DSG2: variants seen among roughly 807,000 people sequenced by gnomAD.
The protein encoded by DSG2 is desmoglein 2, also known as desmoglein-2.
A neutral mutation model predicts 75.6 loss-of-function variants in DSG2; 45 were observed. The observed-to-expected ratio is 0.60, with a 90% CI of 0.47 to 0.76. DSG2 has a LOEUF of 0.76. Ranked by LOEUF, DSG2 falls within the 30% of genes least tolerant of loss-of-function variation. DSG2 has a pLI of 0.00. For synonymous variants in DSG2, 429 were observed against 483.9 expected, an observed-to-expected ratio of 0.89 and a Z score of 1.49; for missense variants, 1,267 against 1,357.4, an observed-to-expected ratio of 0.93 and a Z score of 1.05.
chr18:31,540,752 CT>C (rs2073261748), intron 12 of DSG2, among the ~76,000 whole-genome samples: 1 of 152,128 alleles, frequency 6.6e-6, no homozygotes, highest in Non-Finnish European at 1.5e-5. Flanking sequence ...AAAATAAAAT[CT>C]AAGAAGAGGG....
intron 1 of DSG2, 60 bp from the exon 2 acceptor site, chr18:31,518,179 A>G (rs1160052756): frequency 3.0e-6 from 4 of 1,327,090 alleles, no homozygotes; most frequent in African/African-American, 1.4e-5. Flanking sequence ...TTCATGAACA[A>G]TGTTTTCACA....
chr18:31,517,716 GAAGAACCA>G (rs1393991913), intron 1 of DSG2, among the ~76,000 whole-genome samples: 1 of 152,122 alleles, frequency 6.6e-6, no homozygotes, highest in Non-Finnish European at 1.5e-5. Flanking sequence ...CAGTGCCTAT[GAAGAACCA>G]AAGAAAAGAG....
intron 1 of DSG2, among the ~76,000 whole-genome samples, chr18:31,508,429 C>T (rs568112744): frequency 5.2e-4 from 78 of 151,440 alleles, no homozygotes; most frequent in African/African-American, 1.8e-3. Context: ...AGTCTCATTC[C>T]GTCACCCAGG....
At chr18:31,531,346 C>G in intron 9 of DSG2, 94 bp downstream of exon 9, 1 of 1,431,752 alleles carries the variant, frequency 7.0e-7, no homozygotes, top group African/African-American at 1.4e-5. Context: ...TTCATTCCTT[C>G]AAATCCAGCA....
chr18:31,503,249 A>G (rs1318713024), intron 1 of DSG2, among the ~76,000 whole-genome samples: 1 of 152,236 alleles, frequency 6.6e-6, no homozygotes. Flanking sequence ...CCAAATGGGT[A>G]ACGATAAGAA....
At chr18:31,538,676 C>T (rs892156238) in intron 11 of DSG2, 75 bp from the exon 12 acceptor site, 21 of 1,178,184 alleles carry the variant, frequency 1.8e-5, no homozygotes, top group Non-Finnish European at 2.5e-5. Flanking sequence ...AATGAAAGAA[C>T]ATTTGTGGAA....
intron 14 of DSG2, among the ~76,000 whole-genome samples, chr18:31,545,184 C>A (rs947456068): frequency 6.6e-6 from 1 of 152,138 alleles, no homozygotes; most frequent in Non-Finnish European, 1.5e-5. Context: ...TGTGTACTAA[C>A]TTTTGATTTG....
At chr18:31,507,379 A>C (rs2073044383) in intron 1 of DSG2, among the ~76,000 whole-genome samples, 2 of 152,198 alleles carry the variant, frequency 1.3e-5, no homozygotes, top group Admixed American at 6.5e-5. Context: ...ATAGTGCCTC[A>C]ATAAACATAT....
At chr18:31,533,367 T>A (rs2073209761) in intron 9 of DSG2, among the ~76,000 whole-genome samples, 1 of 152,204 alleles carries the variant, frequency 6.6e-6, no homozygotes, top group South Asian at 2.1e-4. Flanking sequence ...TCCCCACTAC[T>A]GGGGAGGCTT....
At chr18:31,529,073 A>G (rs1941938) in intron 8 of DSG2, among the ~76,000 whole-genome samples, 72,133 of 152,012 alleles carry the variant, frequency 0.47, 18,647 homozygotes, top group African/African-American at 0.7. Context: ...ATGGAAATAG[A>G]GATAGTAAAT....
rs947993518 is a variant in DSG2, at chr18:31,548,261, T to C, written c.*1518T>C. The stretch of plus-strand genomic sequence containing the variant: ...TATATTTTATTGCTTCTAGAAACAA[T>C]GTTTCAAAATATATGTGCATTATCA... On this transcript the variant is annotated 3_prime_UTR_variant, in exon 15 of 15. Transcript: ENST00000261590. 3 of 152,212 alleles carry C rather than the reference T, an allele frequency of 2.0e-5. No homozygotes were observed. Among genetic ancestry groups the C allele is most frequent in the African/African-American group, 7.2e-5 (3 of 41,448 alleles). 9.4% of individuals were successfully genotyped at this position (152,212 alleles called of 1,614,324 possible). A position where few individuals can be genotyped will look rare whatever the true frequency, so the allele number is the denominator to read the frequency against.
chr18:31,505,883 G>A (rs1297577698), intron 1 of DSG2, among the ~76,000 whole-genome samples: 2 of 151,962 alleles, frequency 1.3e-5, no homozygotes, highest in African/African-American at 4.8e-5. Flanking sequence ...AATGGTCTTG[G>A]TCTCTTGACC....
At chr18:31,504,068 G>A (rs1398479923) in intron 1 of DSG2, among the ~76,000 whole-genome samples, 2 of 152,154 alleles carry the variant, frequency 1.3e-5, no homozygotes, top group East Asian at 1.9e-4. Flanking sequence ...GGTTGATTAC[G>A]CCTTGATACA....
intron 1 of DSG2, among the ~76,000 whole-genome samples, chr18:31,510,530 A>T (rs1415445683): frequency 6.6e-6 from 1 of 152,040 alleles, no homozygotes; most frequent in African/African-American, 2.4e-5. Flanking sequence ...AAAAGTGCTG[A>T]CCTTGAAAAC....
At position 31,504,878 on chromosome 18, in the gene DSG2, C is replaced by A. The variant is rs536520413; in HGVS notation, c.45+6582C>A. Among the ~76,000 whole-genome samples, 84 of 152,326 alleles carry A rather than the reference C, an allele frequency of 5.5e-4. 1 individual carries two copies. In the South Asian group the frequency reaches 0.017, roughly 30 times the overall value. ...CACCCTCTGACTCCTTCCCTATTAT[C>A]CCCACACAGGGCATTGCCAAGGATT... On this transcript the variant is annotated intron_variant, in intron 1 of 14. Transcript: ENST00000261590.
chr18:31,542,938 TG>T (rs1447553629), intron 14 of DSG2, 86 bp downstream of exon 14: 3 of 1,042,366 alleles, frequency 2.9e-6, no homozygotes, highest in Non-Finnish European at 3.9e-6. Flanking sequence ...ATCATTGCCT[TG>T]GATCCAAATG....
intron 6 of DSG2, 93 bp downstream of exon 6, chr18:31,522,342 G>C: frequency 7.9e-7 from 1 of 1,267,652 alleles, no homozygotes; most frequent in Non-Finnish European, 1.1e-6. Context: ...ATTTTGTTCT[G>C]TATTCCTTAT....
intron 11 of DSG2, among the ~76,000 whole-genome samples, chr18:31,536,789 T>C (rs1360024423): frequency 6.6e-6 from 1 of 152,248 alleles, no homozygotes; most frequent in African/African-American, 2.4e-5. Flanking sequence ...GAGCACTTGC[T>C]ATGTGCTAGG....
At chr18:31,544,229 A>T (rs538044453) in intron 14 of DSG2, among the ~76,000 whole-genome samples, 2 of 152,342 alleles carry the variant, frequency 1.3e-5, no homozygotes, top group African/African-American at 2.4e-5. Context: ...ATGCTTTTTC[A>T]TATAGACTGT....
Sources: allele counts gnomAD v4.1 joint callset (sites outside exome capture counted in the v4.1 genomes callset), GRCh38; gene constraint gnomAD v4.1.1; transcripts MANE v1.5; gene names NCBI Gene and HGNC (gene_info 2026-07-23, HGNC 2026-07-21).